Variants in DNAJC1 observed in about 807,000 individuals in gnomAD.
DNAJC1 encodes dnaJ homolog subfamily C member 1.
In DNAJC1, 58 loss-of-function variants were observed where a neutral mutation model predicts 76.6. The observed-to-expected ratio is 0.76, with a 90% CI of 0.61 to 0.94. The LOEUF (loss-of-function observed/expected upper bound fraction) is 0.94, where lower values mean the gene tolerates loss of function less well. DNAJC1 is among the 40% of genes least tolerant of loss of function. The probability of loss-of-function intolerance (pLI) is 0.00; values close to 1 mark genes in which losing one functional copy is unlikely to be tolerated. For synonymous variants in DNAJC1, 258 were observed against 267.9 expected, an observed-to-expected ratio of 0.96 and a Z score of 0.36; for missense variants, 689 against 677.3, an observed-to-expected ratio of 1.02 and a Z score of -0.19.
At chr10:22,001,709 C>T (rs545241655) in intron 1 of DNAJC1, among the ~76,000 whole-genome samples, 2 of 152,192 alleles carry the variant, frequency 1.3e-5, no homozygotes, top group Non-Finnish European at 2.9e-5. Context: ...CTTAAAGGCA[C>T]TTAATTTTTC....
At chr10:21,819,808 T>C (rs1835127863) in intron 8 of DNAJC1, among the ~76,000 whole-genome samples, 1 of 151,970 alleles carries the variant, frequency 6.6e-6, no homozygotes, top group South Asian at 2.1e-4. Flanking sequence ...CACATGCTTG[T>C]AATCCCAGCT....
Position 21,919,882 on chromosome 10 carries a change from G to T in DNAJC1, c.585C>A (p.Gly195=). 1 of 1,608,584 alleles carries T rather than the reference G, an allele frequency of 6.2e-7. No individual in the cohort carries two copies. ...RKKREKKKKT[G]SKSVDVSKLG... is the part of the protein sequence containing the mutation. ...GTTTTGATACATCCACACTCTTGCT[G>T]CCAGTCTTTTTTTTCTTTTCTCTCT... is the stretch of plus-strand genomic sequence containing the variant. Residue 195 remains glycine (G), a synonymous_variant, in exon 5 of 12, where the codon GGC becomes GGA. Transcript: ENST00000376980.
intron 1 of DNAJC1, among the ~76,000 whole-genome samples, chr10:21,937,783 A>AAATG (rs1377997425): frequency 6.6e-5 from 10 of 151,562 alleles, no homozygotes; most frequent in Non-Finnish European, 1.3e-4. Context: ...AACCATAATG[A>AAATG]AATGAAATCA....
At chr10:21,830,439 T>C (rs1471937221) in intron 8 of DNAJC1, among the ~76,000 whole-genome samples, 2 of 152,222 alleles carry the variant, frequency 1.3e-5, no homozygotes, top group Non-Finnish European at 2.9e-5. Context: ...CTGATATTTT[T>C]TGTTGCAGAT....
intron 8 of DNAJC1, among the ~76,000 whole-genome samples, chr10:21,836,861 T>A (rs1160416663): frequency 1.3e-5 from 2 of 152,120 alleles, no homozygotes; most frequent in African/African-American, 4.8e-5. Context: ...AGACTTAGAC[T>A]CCCACACAAT....
At chr10:21,938,745 T>C (rs1261910616) in intron 1 of DNAJC1, among the ~76,000 whole-genome samples, 2 of 152,250 alleles carry the variant, frequency 1.3e-5, no homozygotes, top group African/African-American at 4.8e-5. Context: ...ATTCTATTTA[T>C]ACAGTGTCTC....
Position 21,797,312 on chromosome 10 carries a change from T to C in DNAJC1, c.1098+8668A>G, listed in dbSNP as rs114143135. 9.3e-3 allele frequency among the ~76,000 whole-genome samples: 1,413 copies of C among 152,290 alleles called. 25 individuals are homozygous for C. The highest frequency in any genetic ancestry group is 0.032 in the African/African-American group (1,317 of 41,548). ...CCTGTTCCCTTGGTCTATGTGTCTGTCTTTATGCTAGTACCATACTGCTTT... is the reference window on the plus strand; with the variant it reads ...CCTGTTCCCTTGGTCTATGTGTCTGCCTTTATGCTAGTACCATACTGCTTT... On this transcript the variant is annotated intron_variant, in intron 9 of 11. Transcript: ENST00000376980.
chr10:21,898,421 T>C (rs1276773273), intron 7 of DNAJC1, among the ~76,000 whole-genome samples: 1 of 152,182 alleles, frequency 6.6e-6, no homozygotes, highest in Non-Finnish European at 1.5e-5. Flanking sequence ...TCATGTGTCG[T>C]AGTGATGCTG....
intron 8 of DNAJC1, among the ~76,000 whole-genome samples, chr10:21,817,369 C>G (rs1283154873): frequency 1.3e-5 from 2 of 151,994 alleles, no homozygotes; most frequent in Admixed American, 6.6e-5. Flanking sequence ...CTTAAATATA[C>G]TACGAACACT....
At chr10:21,987,015 T>A (rs1267656672) in intron 1 of DNAJC1, among the ~76,000 whole-genome samples, 1 of 152,042 alleles carries the variant, frequency 6.6e-6, no homozygotes. Flanking sequence ...TGATCCACCC[T>A]CCTTGGCCAC....
Position 21,811,958 on chromosome 10 carries a change from T to C in DNAJC1, c.979-5859A>G, listed in dbSNP as rs530716764. 2.0e-5 allele frequency among the ~76,000 whole-genome samples: 3 copies of C among 152,338 alleles called. No individual in the cohort carries two copies. In the South Asian group the frequency reaches 6.2e-4, roughly 32 times the overall value. ...GAGCATTCTTGTTGTTCCACATCCT[T>C]ACCAACACTTGACATGGTCAGTTGT... On this transcript the variant is annotated intron_variant, in intron 8 of 11. Coordinates refer to ENST00000376980, the MANE Select transcript of DNAJC1 (RefSeq NM_022365.4).
chr10:21,897,563 T>C (rs1449193917), intron 7 of DNAJC1, among the ~76,000 whole-genome samples: 1 of 152,200 alleles, frequency 6.6e-6, no homozygotes, highest in African/African-American at 2.4e-5. Context: ...CCCTGCTTCC[T>C]GTCAGATCAG....
chr10:21,880,294 C>T (rs1330314599), intron 8 of DNAJC1, among the ~76,000 whole-genome samples: 1 of 152,198 alleles, frequency 6.6e-6, no homozygotes, highest in Non-Finnish European at 1.5e-5. Flanking sequence ...TTCTTCTAAT[C>T]TCCTGTTAAT....
intron 1 of DNAJC1, among the ~76,000 whole-genome samples, chr10:21,956,416 T>TA (rs1386214837): frequency 6.6e-6 from 1 of 152,008 alleles, no homozygotes; most frequent in African/African-American, 2.4e-5. Flanking sequence ...TAACTGTGTC[T>TA]AATTAGAAAA....
intron 1 of DNAJC1, among the ~76,000 whole-genome samples, chr10:21,978,629 TC>T (rs1037036467): frequency 6.6e-6 from 1 of 152,068 alleles, no homozygotes; most frequent in Non-Finnish European, 1.5e-5. Context: ...TGTCAAAGAT[TC>T]CACAAAACCT....
At chr10:21,972,560 T>C (rs1183029869) in intron 1 of DNAJC1, among the ~76,000 whole-genome samples, 1 of 152,110 alleles carries the variant, frequency 6.6e-6, no homozygotes, top group East Asian at 1.9e-4. Flanking sequence ...AGAAAAAAAT[T>C]TGGCCTTGAA....
chr10:21,834,191 G>T (rs910002463), intron 8 of DNAJC1, among the ~76,000 whole-genome samples: 2 of 152,152 alleles, frequency 1.3e-5, no homozygotes, highest in African/African-American at 4.8e-5. Context: ...GTCAACCTGG[G>T]AGGTGGAGCT....
chr10:21,984,855 T>C (rs188169068), intron 1 of DNAJC1, among the ~76,000 whole-genome samples: 113 of 152,248 alleles, frequency 7.4e-4, no homozygotes, highest in Middle Eastern at 3.4e-3. Flanking sequence ...GATGCAACAG[T>C]AGAAATAACC....
intron 8 of DNAJC1, among the ~76,000 whole-genome samples, chr10:21,878,927 A>G (rs1836229203): frequency 6.6e-6 from 1 of 152,088 alleles, no homozygotes; most frequent in Non-Finnish European, 1.5e-5. Flanking sequence ...ATTGTGCTAT[A>G]TTTATAAAGT....
Sources: allele counts gnomAD v4.1 joint callset (sites outside exome capture counted in the v4.1 genomes callset), GRCh38; gene constraint gnomAD v4.1.1; transcripts MANE v1.5; gene names NCBI Gene and HGNC (gene_info 2026-07-23, HGNC 2026-07-21).